HOMER2: variants seen among roughly 807,000 people sequenced by gnomAD.
HOMER2 encodes homer protein homolog 2.
Under a neutral mutation model 47.0 loss-of-function variants are expected in HOMER2, and 27 were observed. The observed-to-expected ratio is 0.57, with a 90% CI of 0.42 to 0.79. The LOEUF (loss-of-function observed/expected upper bound fraction) is 0.79. Ranked by LOEUF, HOMER2 falls within the 30% of genes least tolerant of loss-of-function variation. The pLI is 0.00. For synonymous variants in HOMER2, 161 were observed against 163.8 expected (o/e 0.98, Z 0.13); for missense variants, 443 against 435.0 (o/e 1.02, Z -0.16).
In HOMER2 at chr15:82,849,498, G is replaced by A; in HGVS notation, c.*217C>T. On this transcript the variant is annotated 3_prime_UTR_variant, in exon 9 of 9. Transcript: ENST00000450735. ...GGTAGACCTAGTTCTGGATTCCTGA[G>A]TCAGAATCTTCCAGTTGTCCACAAC... The A allele has an allele frequency of 1.8e-6, 1 of 565,648 alleles. No homozygotes were observed. Among genetic ancestry groups the A allele is most frequent in the South Asian group, 2.4e-5 (1 of 40,894 alleles). 35.0% of individuals were successfully genotyped at this position (565,648 alleles called of 1,614,324 possible).
intron 1 of HOMER2, among the ~76,000 whole-genome samples, chr15:82,906,161 A>G (rs1208365986): frequency 1.3e-5 from 2 of 151,224 alleles, no homozygotes; most frequent in African/African-American, 4.9e-5. Flanking sequence ...GCAGCCAGTA[A>G]AAAAGCGTAA....
intron 1 of HOMER2, among the ~76,000 whole-genome samples, chr15:82,894,312 C>G (rs1443911275): frequency 2.6e-5 from 4 of 152,166 alleles, no homozygotes; most frequent in Non-Finnish European, 4.4e-5. Flanking sequence ...CAAAATGGCA[C>G]AGACTTATCA....
intron 1 of HOMER2, among the ~76,000 whole-genome samples, chr15:82,943,359 G>C (rs1372868706): frequency 1.3e-5 from 2 of 152,162 alleles, no homozygotes; most frequent in African/African-American, 2.4e-5. Flanking sequence ...CAATGCAGCT[G>C]AGACAGCTGA....
At chr15:82,907,295 T>G (rs2053314326) in intron 1 of HOMER2, among the ~76,000 whole-genome samples, 1 of 151,722 alleles carries the variant, frequency 6.6e-6, no homozygotes, top group South Asian at 2.1e-4. Context: ...AGGCAGAGGT[T>G]GTAGCAAGCC....
chr15:82,849,028 T>C lies in HOMER2; in HGVS notation c.*687A>G, dbSNP rs1328205740. On this transcript the variant is annotated 3_prime_UTR_variant, in exon 9 of 9. Coordinates refer to ENST00000450735, the MANE Select transcript of HOMER2 (RefSeq NM_004839.4). ...TTAAGCACCTACTTTGTGCCAGACA[T>C]TGTGCTAGGCACCCTCACTGTGTGC... is the stretch of plus-strand genomic sequence containing the variant. The C allele has an allele frequency of 1.3e-5, 2 of 152,212 alleles. No homozygotes were observed. Among genetic ancestry groups the C allele is most frequent in the Non-Finnish European group, 2.9e-5 (2 of 68,048 alleles). The allele number at this position is 152,212 out of a possible 1,614,324, so 9.4% of individuals were successfully genotyped here. A position where few individuals can be genotyped will look rare whatever the true frequency, so the allele number is the denominator to read the frequency against.
chr15:82,984,773 G>A (rs1567082760), intron 1 of HOMER2, among the ~76,000 whole-genome samples: 2 of 152,074 alleles, frequency 1.3e-5, no homozygotes, highest in Non-Finnish European at 2.9e-5. Flanking sequence ...CCATGACCAC[G>A]TCACTGCACT....
chr15:82,839,821 C>G (rs1273069338), exon 2 of HOMER2: 7 of 151,988 alleles, frequency 4.6e-5, no homozygotes, highest in Non-Finnish European at 1.0e-4. Flanking sequence ...AATTTTGTTC[C>G]CTTCAGAGAA....
At chr15:82,901,006 A>G (rs930991175) in intron 1 of HOMER2, among the ~76,000 whole-genome samples, 1 of 152,216 alleles carries the variant, frequency 6.6e-6, no homozygotes, top group Non-Finnish European at 1.5e-5. Context: ...GACAGGCTTT[A>G]TTAATGACAC....
chr15:82,888,458 G>T (rs1315818128), intron 2 of HOMER2, among the ~76,000 whole-genome samples: 1 of 1,296 alleles, frequency 7.7e-4, no homozygotes, highest in Admixed American at 7.1e-3. Flanking sequence ...GTTTACCTAA[G>T]CAAGCCTGGG....
intron 1 of HOMER2, among the ~76,000 whole-genome samples, chr15:82,938,757 A>T (rs1366861997): frequency 6.6e-6 from 1 of 151,916 alleles, no homozygotes; most frequent in Non-Finnish European, 1.5e-5. Context: ...GCTGCTCTCA[A>T]ACTCCCTCAG....
At chr15:82,877,040 A>G (rs1378134943) in intron 2 of HOMER2, among the ~76,000 whole-genome samples, 1 of 152,248 alleles carries the variant, frequency 6.6e-6, no homozygotes, top group Non-Finnish European at 1.5e-5. Context: ...AACAACAGCA[A>G]TTACTATTTG....
chr15:82,858,586 A>T (rs962547263), intron 5 of HOMER2, among the ~76,000 whole-genome samples: 1 of 152,192 alleles, frequency 6.6e-6, no homozygotes, highest in Non-Finnish European at 1.5e-5. Flanking sequence ...AGGAGCCACC[A>T]TGCTTGGCCA....
rs2051507430 is a variant in HOMER2, at chr15:82,854,649, T to G, written c.646A>C (p.Asn216His). ...ICRDENDRLRNKIDELEEQCS... is the reference protein window; with the variant it reads ...ICRDENDRLRHKIDELEEQCS... ...ACTGCATCCACCGTACCCACCTTGT[T>G]GCGGAGCCGGTCATTCTCATCACGG... The change falls in exon 6 of 9, where the codon AAC (asparagine) becomes CAC (histidine). Residue 216 changes from asparagine to histidine, a missense_variant. Coordinates refer to ENST00000450735, the MANE Select transcript of HOMER2 (RefSeq NM_004839.4). 6.2e-7 allele frequency: 1 copy of G among 1,612,066 alleles called. No individual in the cohort carries two copies. The highest frequency in any genetic ancestry group is 8.5e-7 in the Non-Finnish European group (1 of 1,179,364).
Position 82,849,588 on chromosome 15 carries a change from T to C in HOMER2, c.*127A>G. The C allele has an allele frequency of 1.3e-6, 1 of 750,506 alleles. No individual in the cohort carries two copies. Among genetic ancestry groups the C allele is most frequent in the Non-Finnish European group, 2.1e-6 (1 of 472,028 alleles). 46.5% of individuals were successfully genotyped at this position (750,506 alleles called of 1,614,324 possible). A position where few individuals can be genotyped will look rare whatever the true frequency, so the allele number is the denominator to read the frequency against. On this transcript the variant is annotated 3_prime_UTR_variant, in exon 9 of 9. Coordinates refer to ENST00000450735, the MANE Select transcript of HOMER2 (RefSeq NM_004839.4). ...AAAAGGAGTGAGTGGACGGCACAAC[T>C]GGTTTGGAAACACGACAAACTGCGC...
downstream of HOMER2, chr15:82,835,743 C>T (rs116893672): frequency 6.0e-3 from 920 of 152,468 alleles, 6 homozygotes; most frequent in Admixed American, 0.011. Context: ...CAGTGGGGGA[C>T]GCAACCTGCG....
At chr15:82,979,904 G>A (rs1320750238) in intron 1 of HOMER2, among the ~76,000 whole-genome samples, 1 of 152,110 alleles carries the variant, frequency 6.6e-6, no homozygotes, top group Non-Finnish European at 1.5e-5. Flanking sequence ...GAGCTCATAT[G>A]TGATGGATGG....
intron 1 of HOMER2, among the ~76,000 whole-genome samples, chr15:82,948,933 T>TG (rs1420628095): frequency 4.6e-5 from 7 of 152,170 alleles, no homozygotes; most frequent in African/African-American, 1.7e-4. Context: ...GAGTGGATAC[T>TG]GGGGGGCCTG....
At chr15:82,950,355 A>G (rs2054479539) in intron 1 of HOMER2, among the ~76,000 whole-genome samples, 1 of 152,106 alleles carries the variant, frequency 6.6e-6, no homozygotes, top group Non-Finnish European at 1.5e-5. Context: ...GGGGGAGGTA[A>G]ACTCAGATAG....
At position 82,849,640 on chromosome 15, in the gene HOMER2, G is replaced by A; in HGVS notation, c.*75C>T. Reference sequence around the variant, plus strand: ...TGCATTTACAGAAGCAATGCACACAGAAGAACGTCCTAGAGCTATCTGGTC... The same window carrying A: ...TGCATTTACAGAAGCAATGCACACAAAAGAACGTCCTAGAGCTATCTGGTC... On this transcript the variant is annotated 3_prime_UTR_variant, in exon 9 of 9. Transcript: ENST00000450735. 1 of 1,342,870 alleles carries A rather than the reference G, an allele frequency of 7.4e-7. No homozygotes were observed. The highest frequency in any genetic ancestry group is 2.5e-5 in the East Asian group (1 of 40,304). 83.2% of individuals were successfully genotyped at this position (1,342,870 alleles called of 1,614,324 possible).
Sources: allele counts gnomAD v4.1 joint callset (sites outside exome capture counted in the v4.1 genomes callset), GRCh38; gene constraint gnomAD v4.1.1; transcripts MANE v1.5; gene names NCBI Gene and HGNC (gene_info 2026-07-23, HGNC 2026-07-21).